Variants in RNF220 observed in about 807,000 individuals in gnomAD.
RNF220 encodes E3 ubiquitin-protein ligase RNF220.
RNF220 carries 7 observed loss-of-function variants against 67.1 expected under a neutral mutation model. The observed-to-expected ratio is 0.10, with a 90% CI of 0.06 to 0.20. The LOEUF is 0.20. Among genes scored for constraint, RNF220 ranks in the 10% least tolerant of loss-of-function variants. The pLI is 1.00. For synonymous variants in RNF220, 270 were observed against 283.2 expected (o/e 0.95, Z 0.47); for missense variants, 565 against 740.3 (o/e 0.76, Z 2.75).
chr1:44,405,498 T>C lies in RNF220; in HGVS notation c.-150T>C. 2.1e-6 allele frequency: 1 copy of C among 479,222 alleles called. No individual in the cohort carries two copies. The highest frequency in any genetic ancestry group is 2.8e-5 in the South Asian group (1 of 35,686). The allele number at this position is 479,222 out of a possible 1,614,324, so 29.7% of individuals were successfully genotyped here. ...CTGCTTCCCTCCGTGTCCTGAAAAG[T>C]GCGACCGTTCTCCCAAGGAATTTCC... On this transcript the variant is annotated 5_prime_UTR_variant, in exon 1 of 15. Transcript: ENST00000361799.
chr1:44,552,405 G>A (rs1159135929), intron 2 of RNF220, among the ~76,000 whole-genome samples: 1 of 151,748 alleles, frequency 6.6e-6, no homozygotes, highest in African/African-American at 2.4e-5. Flanking sequence ...TACTTGGCAG[G>A]CTGAGGTAGG....
intron 2 of RNF220, among the ~76,000 whole-genome samples, chr1:44,558,284 T>C (rs998867375): frequency 6.6e-6 from 1 of 152,232 alleles, no homozygotes; most frequent in African/African-American, 2.4e-5. Context: ...GAATAACATC[T>C]ATGGCCCAGC....
At chr1:44,411,917 T>G in intron 1 of RNF220, 64 bp from the exon 2 acceptor site, 1 of 639,624 alleles carries the variant, frequency 1.6e-6, no homozygotes, top group East Asian at 2.9e-5. Context: ...CACTTGGGGT[T>G]TCCCTTTTTT....
Position 44,545,270 on chromosome 1 carries a change from G to A in RNF220, c.626-68895G>A, listed in dbSNP as rs531155274. ...CATCTGGTACCTTCGGTTGGAGGGA[G>A]GGCAGTTTCTGAGGATTAAAAGAAG... On this transcript the variant is annotated intron_variant, in intron 2 of 14. Transcript: ENST00000361799. Among the ~76,000 whole-genome samples the A allele has an allele frequency of 3.9e-5, 6 of 152,294 alleles. No individual in the cohort carries two copies. The East Asian group carries it at 1.2e-3, about 29-fold the overall frequency.
At chr1:44,610,376 G>A (rs1460752638) in intron 2 of RNF220, among the ~76,000 whole-genome samples, 1 of 152,164 alleles carries the variant, frequency 6.6e-6, no homozygotes, top group Non-Finnish European at 1.5e-5. Context: ...TGGGCCTCCC[G>A]CCTCACCTCC....
At chr1:44,583,295 C>A (rs1015832567) in intron 2 of RNF220, among the ~76,000 whole-genome samples, 2 of 152,126 alleles carry the variant, frequency 1.3e-5, no homozygotes, top group Admixed American at 6.5e-5. Context: ...TCTGCAGGTT[C>A]TATTCTAGGC....
intron 2 of RNF220, among the ~76,000 whole-genome samples, chr1:44,531,396 T>C (rs545692219): frequency 5.7e-4 from 87 of 152,226 alleles, no homozygotes; most frequent in Non-Finnish European, 1.1e-3. Context: ...GATTATTTAT[T>C]CAAAACTCAG....
chr1:44,572,922 G>A, intron 2 of RNF220: 1 of 349,538 alleles, frequency 2.9e-6, no homozygotes, highest in Non-Finnish European at 5.9e-6. Context: ...TGAAGGGAAA[G>A]ATCCTCCAGG....
At chr1:44,607,827 A>G (rs1667385343) in intron 2 of RNF220, among the ~76,000 whole-genome samples, 1 of 151,326 alleles carries the variant, frequency 6.6e-6, no homozygotes, top group Admixed American at 6.6e-5. Context: ...ACTTCCCCCA[A>G]TCACTGTTTG....
In RNF220 at chr1:44,606,074, G is replaced by GTAA. The variant is rs1156745915; in HGVS notation, c.626-8089_626-8087dup. On this transcript the variant is annotated intron_variant, in intron 2 of 14. Coordinates refer to ENST00000361799, the MANE Select transcript of RNF220 (RefSeq NM_018150.4). The surrounding 1 kb of genome is among the most constrained non-coding windows in gnomAD (Gnocchi z 4.2). The stretch of plus-strand genomic sequence containing the variant: ...CTGACAAATGATGACTTACGAACAT[G>GTAA]TAATGCAAACTGATTCATCATACAT... Among the ~76,000 whole-genome samples the GTAA allele has an allele frequency of 3.3e-5, 5 of 152,196 alleles. No individual in the cohort carries two copies. The highest frequency in any genetic ancestry group is 7.3e-5 in the Non-Finnish European group (5 of 68,036).
intron 2 of RNF220, among the ~76,000 whole-genome samples, chr1:44,522,373 A>C (rs1660007383): frequency 1.3e-5 from 2 of 152,214 alleles, no homozygotes; most frequent in African/African-American, 4.8e-5. Context: ...AAAATGCCTA[A>C]CATGGAGCCT....
At chr1:44,459,811 T>A (rs1653583960) in intron 2 of RNF220, among the ~76,000 whole-genome samples, 1 of 152,078 alleles carries the variant, frequency 6.6e-6, no homozygotes, top group African/African-American at 2.4e-5. Context: ...ATGTCAAGTG[T>A]ATTAAAGAGG....
intron 3 of RNF220, 142 bp downstream of exon 3, chr1:44,614,439 T>C (rs1643456773): frequency 2.2e-6 from 2 of 921,582 alleles, no homozygotes; most frequent in African/African-American, 3.4e-5. Context: ...ACAACTCTGT[T>C]TCAATCCTCA....
intron 2 of RNF220, among the ~76,000 whole-genome samples, chr1:44,424,820 T>A (rs567904138): frequency 6.6e-6 from 1 of 152,154 alleles, no homozygotes; most frequent in Non-Finnish European, 1.5e-5. Flanking sequence ...CAGCGGAGGG[T>A]CTGGAGGTGC....
At position 44,417,970 on chromosome 1, in the gene RNF220, G is replaced by T. The variant is rs1218779036; in HGVS notation, c.625+5248G>T. Among the ~76,000 whole-genome samples, 4 of 152,074 alleles carry T rather than the reference G, an allele frequency of 2.6e-5. No homozygotes were observed. Among genetic ancestry groups the T allele is most frequent in the East Asian group, 1.9e-4 (1 of 5,168 alleles). Reference sequence around the variant, plus strand: ...CGAGGGCCGGGAGCGCCCAGCCCGCGGCCGCACACACGAGGGCCCGTCGCG... The same window carrying T: ...CGAGGGCCGGGAGCGCCCAGCCCGCTGCCGCACACACGAGGGCCCGTCGCG... On this transcript the variant is annotated intron_variant, in intron 2 of 14. Coordinates refer to ENST00000361799, the MANE Select transcript of RNF220 (RefSeq NM_018150.4). This position sits in a 1 kb window ranked among gnomAD's most constrained non-coding sequence, Gnocchi z 4.0.
chr1:44,412,065 C>T lies in RNF220; in HGVS notation c.-33C>T, dbSNP rs765305443. The T allele has an allele frequency of 6.3e-7, 1 of 1,581,452 alleles. No homozygotes were observed. Among genetic ancestry groups the T allele is most frequent in the South Asian group, 1.2e-5 (1 of 85,508 alleles). ...GCCTCCCTCCCAGGGAAGACTGCTT[C>T]TTGCGTAACGCCGGCCACAGAAAGA... On this transcript the variant is annotated 5_prime_UTR_variant, in exon 2 of 15. Transcript: ENST00000361799. This position sits in a 1 kb window ranked among gnomAD's most constrained non-coding sequence, Gnocchi z 5.3.
chr1:44,631,735 G>C (rs1573119772), intron 5 of RNF220: 2 of 236,310 alleles, frequency 8.5e-6, no homozygotes, highest in African/African-American at 4.7e-5. Context: ...CCGGGGCCGG[G>C]CGATGGGGCG....
Position 44,577,826 on chromosome 1 carries a change from C to T in RNF220, c.626-36339C>T, listed in dbSNP as rs191954599. On this transcript the variant is annotated intron_variant, in intron 2 of 14. Coordinates refer to ENST00000361799, the MANE Select transcript of RNF220 (RefSeq NM_018150.4). The stretch of plus-strand genomic sequence containing the variant: ...ACTAAAAATACAAAAATTAGTTGGG[C>T]GTGTCAAATGCCTTTTTTTTTTTTT... Among the ~76,000 whole-genome samples the T allele has an allele frequency of 5.3e-3, 792 of 148,080 alleles. 20 individuals carry two copies. The highest frequency in any genetic ancestry group is 0.05 in the Admixed American group (745 of 14,770).
At position 44,626,323 on chromosome 1, in the gene RNF220, G is replaced by A. The variant is rs1643937017; in HGVS notation, c.831G>A (p.Lys277=). The change falls in exon 5 of 15, where the codon AAG becomes AAA. Residue 277 remains lysine, a synonymous_variant. Transcript: ENST00000361799. ...PKSLLLSASI[K]REGESPTASP... is the part of the protein sequence containing the mutation. Reference sequence around the variant, plus strand: ...CCCTCCTGTTGTCTGCTTCCATCAAGAGGGAAGGAGAGTCTCCAACGGCAT... The same window carrying A: ...CCCTCCTGTTGTCTGCTTCCATCAAAAGGGAAGGAGAGTCTCCAACGGCAT... The A allele has an allele frequency of 6.2e-7, 1 of 1,614,120 alleles. No homozygotes were observed. Among genetic ancestry groups the A allele is most frequent in the Non-Finnish European group, 8.5e-7 (1 of 1,179,994 alleles).
Sources: gnomAD v4.1 joint callset for allele counts (sites outside exome capture counted in the v4.1 genomes callset) on GRCh38, gnomAD v4.1.1 for gene constraint, Gnocchi (gnomAD v3.1) non-coding constraint, MANE v1.5 for transcripts, NCBI Gene and HGNC (gene_info 2026-07-23, HGNC 2026-07-21) for gene names.